The following WIPF3 variants were observed in gnomAD, a reference collection of about 807,000 sequenced individuals.
WIPF3 encodes WAS/WASL-interacting protein family member 3.
In WIPF3, 33 loss-of-function variants were observed where a neutral mutation model predicts 38.9. The ratio of observed to expected loss-of-function variants is 0.85; its 90% CI spans 0.64 to 1.14. WIPF3 has a LOEUF of 1.14. Among genes scored for constraint, WIPF3 ranks in the 50% most tolerant of loss-of-function variants. The pLI is 0.00. For synonymous variants in WIPF3, 324 were observed against 269.3 expected (o/e 1.20, Z -1.99); for missense variants, 711 against 652.5 (o/e 1.09, Z -0.98).
intron 2 of WIPF3, among the ~76,000 whole-genome samples, chr7:29,835,792 G>A (rs1784790565): frequency 6.6e-6 from 1 of 152,172 alleles, no homozygotes; most frequent in Non-Finnish European, 1.5e-5. Context: ...GGCACACAGA[G>A]ACAGGGCTGC....
At chr7:29,859,296 G>A (rs1431495835) in intron 2 of WIPF3, among the ~76,000 whole-genome samples, 1 of 152,162 alleles carries the variant, frequency 6.6e-6, no homozygotes. Flanking sequence ...TTGAGGTTTG[G>A]GACAAAAGGA....
In WIPF3 at chr7:29,884,363, C is replaced by A; in HGVS notation, c.869C>A (p.Pro290His). The change falls in exon 5 of 9, where the codon CCC becomes CAC. Residue 290 changes from proline to histidine, a missense_variant. Transcript: ENST00000242140. ...ASPAQDAQEP[P>H]APPPPLPPYA... ...CCTGCGCAAGATGCGCAGGAGCCTC[C>A]CGCCCCGCCGCCCCCGCTCCCCCCT... 6.8e-7 allele frequency: 1 copy of A among 1,466,540 alleles called. No homozygotes were observed. The highest frequency in any genetic ancestry group is 9.1e-7 in the Non-Finnish European group (1 of 1,104,288). 90.8% of individuals were successfully genotyped at this position (1,466,540 alleles called of 1,614,324 possible). A position where few individuals can be genotyped will look rare whatever the true frequency, so the allele number is the denominator to read the frequency against.
intron 2 of WIPF3, among the ~76,000 whole-genome samples, chr7:29,872,798 C>CAAAAAAAAAAAAA (rs61693654): frequency 3.2e-5 from 1 of 31,034 alleles, no homozygotes; most frequent in Non-Finnish European, 5.2e-5. Flanking sequence ...GACTCCATCT[C>CAAAAAAAAAAAAA]AAAAAAAAAA....
In WIPF3 at chr7:29,915,959, TC is replaced by T. The variant is rs1466141562; in HGVS notation, c.*1445del. The T allele has an allele frequency of 6.6e-6, 1 of 152,228 alleles. No individual in the cohort carries two copies. Among genetic ancestry groups the T allele is most frequent in the Non-Finnish European group, 1.5e-5 (1 of 68,112 alleles). 9.4% of individuals were successfully genotyped at this position (152,228 alleles called of 1,614,324 possible). On this transcript the variant is annotated 3_prime_UTR_variant, in exon 9 of 9. Coordinates refer to ENST00000242140, the MANE Select transcript of WIPF3 (RefSeq NM_001080529.3). ...AGTATATCATGAACAGACCAAGCCA[TC>T]CAGAAAGGCAGCCGGTCAGGAGGGT...
chr7:29,863,062 A>T (rs1785323887), intron 2 of WIPF3, among the ~76,000 whole-genome samples: 1 of 151,736 alleles, frequency 6.6e-6, no homozygotes, highest in Admixed American at 6.6e-5. Flanking sequence ...GTTTGTTTTT[A>T]TTTATTTATT....
In WIPF3 at chr7:29,884,361, T is replaced by TGCCCCCCCCCCCCC; in HGVS notation, c.867_868insGCCCCCCCCCCCCC (p.Pro290AlafsTer89). 7.6e-7 allele frequency: 1 copy of TGCCCCCCCCCCCCC among 1,317,910 alleles called. No individual in the cohort carries two copies. Among genetic ancestry groups the TGCCCCCCCCCCCCC allele is most frequent in the Non-Finnish European group, 9.8e-7 (1 of 1,017,946 alleles). 81.6% of individuals were successfully genotyped at this position (1,317,910 alleles called of 1,614,324 possible). A position where few individuals can be genotyped will look rare whatever the true frequency, so the allele number is the denominator to read the frequency against. On this transcript the variant is annotated frameshift_variant, in exon 5 of 9. Transcript: ENST00000242140. LOFTEE classifies it high-confidence loss of function. ...GCCCTGCGCAAGATGCGCAGGAGCC[T>TGCCCCCCCCCCCCC]CCCGCCCCGCCGCCCCCGCTCCCCC...
At chr7:29,824,110 G>A (rs540116802) in intron 1 of WIPF3, among the ~76,000 whole-genome samples, 6 of 152,128 alleles carry the variant, frequency 3.9e-5, no homozygotes, top group Non-Finnish European at 7.3e-5. Context: ...AACCTTTGAG[G>A]AGCCCATGGT....
chr7:29,861,325 TTACTATA>T (rs1414716102), intron 2 of WIPF3, among the ~76,000 whole-genome samples: 2 of 152,164 alleles, frequency 1.3e-5, no homozygotes, highest in Non-Finnish European at 2.9e-5. Context: ...AAGCACTCAT[TTACTATA>T]TTTGCTTATA....
Position 29,884,282 on chromosome 7 carries a change from C to G in WIPF3, c.788C>G (p.Pro263Arg). 1 of 1,526,820 alleles carries G rather than the reference C, an allele frequency of 6.5e-7. No homozygotes were observed. The highest frequency in any genetic ancestry group is 1.4e-5 in the African/African-American group (1 of 69,826). The allele number at this position is 1,526,820 out of a possible 1,614,324, so 94.6% of individuals were successfully genotyped here. The change falls in exon 5 of 9, where the codon CCG (proline) becomes CGG (arginine). Residue 263 changes from proline to arginine, a missense_variant. Coordinates refer to ENST00000242140, the MANE Select transcript of WIPF3 (RefSeq NM_001080529.3). ...APLHLPPIPPPLPLLPPCGYP... is the reference protein window; with the variant it reads ...APLHLPPIPPRLPLLPPCGYP... ...TTGCACCTCCCGCCCATCCCGCCCC[C>G]GCTCCCTCTGCTCCCACCTTGTGGG...
At chr7:29,846,344 G>A (rs1055648142) in intron 2 of WIPF3, among the ~76,000 whole-genome samples, 2 of 152,200 alleles carry the variant, frequency 1.3e-5, no homozygotes, top group African/African-American at 4.8e-5. Context: ...CACAATAGAG[G>A]AGTCTGAATG....
chr7:29,879,289 C>T, intron 4 of WIPF3, 149 bp downstream of exon 4: 1 of 943,886 alleles, frequency 1.1e-6, no homozygotes, highest in Non-Finnish European at 1.5e-6. Context: ...ACCTTAAGCA[C>T]TAGAAACTTC....
chr7:29,851,196 C>A (rs549368995), intron 2 of WIPF3, among the ~76,000 whole-genome samples: 1 of 152,258 alleles, frequency 6.6e-6, no homozygotes, highest in African/African-American at 2.4e-5. Flanking sequence ...GGAGAGACTG[C>A]CCTCAGGAGG....
chr7:29,819,976 T>C (rs1318248789), intron 1 of WIPF3, among the ~76,000 whole-genome samples: 1 of 152,086 alleles, frequency 6.6e-6, no homozygotes. Flanking sequence ...AATATGTGTC[T>C]TCTATATTTA....
Position 29,884,251 on chromosome 7 carries a change from G to A in WIPF3, c.757G>A (p.Ala253Thr). 6.5e-7 allele frequency: 1 copy of A among 1,536,168 alleles called. No individual in the cohort carries two copies. The highest frequency in any genetic ancestry group is 8.8e-7 in the Non-Finnish European group (1 of 1,141,340). The change falls in exon 5 of 9, where the codon GCT (alanine) becomes ACT (threonine). Residue 253 changes from alanine to threonine, a missense_variant. By Grantham distance (58) the Ala-to-Thr change is moderately conservative. Transcript: ENST00000242140. The stretch of plus-strand genomic sequence containing the variant: ...TGACAAGGCAGTGAAGCCTCAGCTG[G>A]CTCCCTTGCACCTCCCGCCCATCCC... ...LSDKAVKPQL[A>T]PLHLPPIPPP...
rs1224233134 is a variant in WIPF3 at position 29,884,363 on chromosome 7, C to T, written c.869C>T (p.Pro290Leu). 2.0e-6 allele frequency: 3 copies of T among 1,466,450 alleles called. No homozygotes were observed. Among genetic ancestry groups the T allele is most frequent in the South Asian group, 2.7e-5 (2 of 74,404 alleles). The allele number at this position is 1,466,450 out of a possible 1,614,324, so 90.8% of individuals were successfully genotyped here. Residue 290 changes from proline (P) to leucine (L), a missense_variant, in exon 5 of 9, where the codon CCC (proline) becomes CTC (leucine). Physicochemically the swap from Pro to Leu is moderately conservative, Grantham distance 98. Coordinates refer to ENST00000242140, the MANE Select transcript of WIPF3 (RefSeq NM_001080529.3). ...ASPAQDAQEP[P>L]APPPPLPPYA... ...CCTGCGCAAGATGCGCAGGAGCCTC[C>T]CGCCCCGCCGCCCCCGCTCCCCCCT...
chr7:29,808,210 A>G (rs1266263416), intron 1 of WIPF3, among the ~76,000 whole-genome samples: 1 of 152,248 alleles, frequency 6.6e-6, no homozygotes, highest in East Asian at 1.9e-4. Context: ...GTGGTAACAC[A>G]CAGATTGCTG....
At chr7:29,848,336 C>T (rs548102371) in intron 2 of WIPF3, among the ~76,000 whole-genome samples, 3 of 152,254 alleles carry the variant, frequency 2.0e-5, no homozygotes, top group East Asian at 1.9e-4. Flanking sequence ...GCCGTTGGTT[C>T]GTCATTTCAC....
intron 2 of WIPF3, among the ~76,000 whole-genome samples, chr7:29,838,675 AC>A (rs773991745): frequency 6.6e-6 from 1 of 152,160 alleles, no homozygotes; most frequent in East Asian, 1.9e-4. Context: ...CCTTTGGAAA[AC>A]CGTTTGACAG....
intron 7 of WIPF3, among the ~76,000 whole-genome samples, chr7:29,891,081 A>C (rs150188441): frequency 1.1e-5 from 1 of 92,678 alleles, no homozygotes; most frequent in Non-Finnish European, 2.1e-5. Flanking sequence ...TGGTGAACAC[A>C]GGCCTTCCCT....
Sources: allele counts gnomAD v4.1 joint callset (sites outside exome capture counted in the v4.1 genomes callset), GRCh38; gene constraint gnomAD v4.1.1; transcripts MANE v1.5; gene names NCBI Gene and HGNC (gene_info 2026-07-23, HGNC 2026-07-21).